Variants in L3MBTL4 observed in about 807,000 individuals in gnomAD.
The protein encoded by L3MBTL4 is lethal(3)malignant brain tumor-like protein 4.
L3MBTL4 carries 70 observed loss-of-function variants against 84.5 expected under a neutral mutation model. The ratio of observed to expected loss-of-function variants is 0.83; its 90% CI spans 0.68 to 1.01. L3MBTL4 has a LOEUF of 1.01. Ranked by LOEUF, L3MBTL4 falls within the 50% of genes least tolerant of loss-of-function variation. The pLI is 0.00. For synonymous variants in L3MBTL4, 274 were observed against 259.8 expected (o/e 1.05, Z -0.52); for missense variants, 715 against 754.8 (o/e 0.95, Z 0.62).
intron 1 of L3MBTL4, among the ~76,000 whole-genome samples, chr18:6,389,817 A>G (rs1030549342): frequency 6.6e-6 from 1 of 152,192 alleles, no homozygotes; most frequent in Admixed American, 6.5e-5. Context: ...TACTACACCT[A>G]AGAAATGAGA....
rs1377333000 is a variant in L3MBTL4, at chr18:6,227,867, A to G, written c.784+10097T>C. ...TTTTTAATAGAGATATAGTCTTGCC[A>G]TGTTGCCCAGTCTGGTCTTAAACTC... On this transcript the variant is annotated intron_variant, in intron 10 of 18. Coordinates refer to ENST00000317931, the MANE Select transcript of L3MBTL4 (RefSeq NM_001330559.2). Among the ~76,000 whole-genome samples the G allele has an allele frequency of 5.9e-5, 9 of 151,932 alleles. No individual in the cohort carries two copies. The East Asian group carries it at 1.7e-3, about 29-fold the overall frequency.
intron 14 of L3MBTL4, among the ~76,000 whole-genome samples, chr18:6,111,896 G>A (rs917440884): frequency 1.3e-5 from 2 of 151,988 alleles, no homozygotes; most frequent in South Asian, 2.1e-4. Flanking sequence ...ACAACACATT[G>A]TTATTAACTA....
At chr18:6,245,587 C>A (rs888233725) in intron 5 of L3MBTL4, among the ~76,000 whole-genome samples, 12 of 147,494 alleles carry the variant, frequency 8.1e-5, no homozygotes, top group African/African-American at 2.8e-4. Flanking sequence ...TAGGTATTTT[C>A]CTTTTTTTTT....
intron 1 of L3MBTL4, among the ~76,000 whole-genome samples, chr18:6,330,477 C>G (rs1453676141): frequency 5.3e-5 from 8 of 152,242 alleles, no homozygotes; most frequent in Admixed American, 5.2e-4. Context: ...ATCAAGTCTT[C>G]TTAGGATATG....
At chr18:6,135,592 G>A (rs1368755069) in intron 14 of L3MBTL4, among the ~76,000 whole-genome samples, 2 of 151,934 alleles carry the variant, frequency 1.3e-5, no homozygotes, top group African/African-American at 2.4e-5. Flanking sequence ...CTAGGGCAAG[G>A]GCAAGATGCT....
At chr18:6,314,485 A>C (rs578047191) in intron 1 of L3MBTL4, among the ~76,000 whole-genome samples, 2 of 152,346 alleles carry the variant, frequency 1.3e-5, no homozygotes, top group South Asian at 4.1e-4. Context: ...CCTACCATAG[A>C]CAACGTGATG....
intron 16 of L3MBTL4, among the ~76,000 whole-genome samples, chr18:6,059,294 G>A (rs2057129354): frequency 6.6e-6 from 1 of 152,220 alleles, no homozygotes; most frequent in South Asian, 2.1e-4. Context: ...GGTGTTCAGA[G>A]TTGTCACTCC....
chr18:6,102,388 A>G (rs546767996), intron 14 of L3MBTL4, among the ~76,000 whole-genome samples: 113 of 152,322 alleles, frequency 7.4e-4, no homozygotes, highest in African/African-American at 2.6e-3. Context: ...CTCCAAACTC[A>G]GGCCATGTTT....
chr18:6,010,523 A>G (rs1227592423), intron 16 of L3MBTL4, among the ~76,000 whole-genome samples: 3 of 152,240 alleles, frequency 2.0e-5, no homozygotes, highest in Non-Finnish European at 4.4e-5. Flanking sequence ...CGCCACTTGC[A>G]TGTGCGGTAT....
intron 16 of L3MBTL4, among the ~76,000 whole-genome samples, chr18:6,016,874 G>A (rs538022885): frequency 6.6e-5 from 10 of 152,336 alleles, no homozygotes; most frequent in African/African-American, 2.4e-4. Flanking sequence ...GCAGCAGGCA[G>A]AGAAAAGACG....
At chr18:6,290,207 T>C (rs2049793202) in intron 4 of L3MBTL4, among the ~76,000 whole-genome samples, 1 of 151,790 alleles carries the variant, frequency 6.6e-6, no homozygotes, top group African/African-American at 2.4e-5. Flanking sequence ...TGAGGTGCCG[T>C]GCCCAGCCTA....
intron 1 of L3MBTL4, among the ~76,000 whole-genome samples, chr18:6,312,482 G>A (rs1177719772): frequency 6.6e-6 from 1 of 151,906 alleles, no homozygotes; most frequent in Non-Finnish European, 1.5e-5. Context: ...CTGATAACTG[G>A]CCACCCATTT....
chr18:6,257,830 G>C (rs1226031456), intron 5 of L3MBTL4, among the ~76,000 whole-genome samples: 1 of 151,878 alleles, frequency 6.6e-6, no homozygotes, highest in Non-Finnish European at 1.5e-5. Context: ...ATTTTTAGTA[G>C]AGACGGGGTT....
chr18:5,981,655 GA>G (rs57409444), intron 16 of L3MBTL4, among the ~76,000 whole-genome samples: 30,364 of 141,658 alleles, frequency 0.21, 4,422 homozygotes, highest in African/African-American at 0.43. Context: ...TTTCTTTGAG[GA>G]AAAAAAAAAA....
chr18:6,252,518 G>A (rs2047968032), intron 5 of L3MBTL4, among the ~76,000 whole-genome samples: 1 of 152,118 alleles, frequency 6.6e-6, no homozygotes, highest in Non-Finnish European at 1.5e-5. Flanking sequence ...ATTATTTTGA[G>A]TGGTTCATCT....
chr18:6,271,321 T>C (rs1231276559), intron 4 of L3MBTL4, among the ~76,000 whole-genome samples: 1 of 152,222 alleles, frequency 6.6e-6, no homozygotes, highest in Non-Finnish European at 1.5e-5. Flanking sequence ...ATTGTATTTA[T>C]AAATTATAGT....
At chr18:6,358,694 G>T (rs2053550595) in intron 1 of L3MBTL4, among the ~76,000 whole-genome samples, 1 of 152,210 alleles carries the variant, frequency 6.6e-6, no homozygotes, top group African/African-American at 2.4e-5. Flanking sequence ...GAAAGTCTGT[G>T]TCATCTAAGT....
intron 13 of L3MBTL4, among the ~76,000 whole-genome samples, chr18:6,162,634 T>A (rs1271790804): frequency 6.6e-6 from 1 of 152,184 alleles, no homozygotes; most frequent in Non-Finnish European, 1.5e-5. Context: ...GCACTCAGAA[T>A]AAAAGATGAT....
At chr18:6,156,428 C>CTGCTCA (rs1345356913) in intron 13 of L3MBTL4, among the ~76,000 whole-genome samples, 1,996 of 152,266 alleles carry the variant, frequency 0.013, 46 homozygotes, top group African/African-American at 0.045. Context: ...TATTTTCAGA[C>CTGCTCA]AGTCAGTTGA....
Sources: allele counts gnomAD v4.1 joint callset (sites outside exome capture counted in the v4.1 genomes callset), GRCh38; gene constraint gnomAD v4.1.1; transcripts MANE v1.5; gene names NCBI Gene and HGNC (gene_info 2026-07-23, HGNC 2026-07-21).